The following EPHA6 variants were observed in gnomAD, a reference collection of about 807,000 sequenced individuals.
The protein encoded by EPHA6 is ephrin type-A receptor 6.
In EPHA6, 50 loss-of-function variants were observed where a neutral mutation model predicts 112.0. That is an observed-to-expected ratio of 0.45 (90% CI 0.36 to 0.56). The LOEUF is 0.56. Among genes scored for constraint, EPHA6 ranks in the 20% least tolerant of loss-of-function variants. The pLI is 0.00. For synonymous variants in EPHA6, 529 were observed against 490.7 expected, an observed-to-expected ratio of 1.08 and a Z score of -1.03; for missense variants, 1,280 against 1,417.4, an observed-to-expected ratio of 0.90 and a Z score of 1.56.
In EPHA6 at chr3:97,611,695, A is replaced by C. The variant is rs567141513; in HGVS notation, c.2574+841A>C. Among the ~76,000 whole-genome samples, 8 of 151,970 alleles carry C rather than the reference A, an allele frequency of 5.3e-5. No individual in the cohort carries two copies. The East Asian group carries it at 7.7e-4, about 15-fold the overall frequency. Reference sequence around the variant, plus strand: ...TCTGTCTATCTGTCTATCTATCTATATATATATAACTATTTTTCTCACTTA... The same window carrying C: ...TCTGTCTATCTGTCTATCTATCTATCTATATATAACTATTTTTCTCACTTA... On this transcript the variant is annotated intron_variant, in intron 13 of 17. Transcript: ENST00000389672.
chr3:96,827,597 G>A (rs192379071), intron 1 of EPHA6, among the ~76,000 whole-genome samples: 31 of 152,048 alleles, frequency 2.0e-4, no homozygotes, highest in Non-Finnish European at 3.7e-4. Context: ...TCATATACTC[G>A]GATCAATTAA....
chr3:97,480,662 CTCTT>C (rs1348180573), intron 9 of EPHA6, among the ~76,000 whole-genome samples: 2 of 152,236 alleles, frequency 1.3e-5, no homozygotes, highest in Non-Finnish European at 2.9e-5. Context: ...AATCTGATCT[CTCTT>C]TCTTTTCCCC....
chr3:97,526,723 A>C (rs2092626057), intron 10 of EPHA6, among the ~76,000 whole-genome samples: 2 of 152,140 alleles, frequency 1.3e-5, no homozygotes, highest in Non-Finnish European at 2.9e-5. Context: ...GGAAGTTGTC[A>C]AGCCCATTAG....
intron 1 of EPHA6, among the ~76,000 whole-genome samples, chr3:96,851,066 A>G (rs1011242637): frequency 2.6e-5 from 4 of 152,116 alleles, no homozygotes; most frequent in Non-Finnish European, 5.9e-5. Context: ...TACCAGCATG[A>G]GTGCTAATTA....
intron 3 of EPHA6, among the ~76,000 whole-genome samples, chr3:97,122,131 T>C (rs1336731977): frequency 6.6e-6 from 1 of 152,100 alleles, no homozygotes; most frequent in East Asian, 1.9e-4. Context: ...TTAGATTTTG[T>C]TTAAAATCTA....
chr3:97,741,836 A>C (rs1461634345), intron 16 of EPHA6, among the ~76,000 whole-genome samples: 1 of 152,072 alleles, frequency 6.6e-6, no homozygotes, highest in Non-Finnish European at 1.5e-5. Context: ...AGTCTATTAA[A>C]ATTCAAAAAA....
rs2036125238 is a variant in EPHA6 at position 97,760,251 on chromosome 3, C to T, written c.*11550C>T. 1 of 176,906 alleles carries T rather than the reference C, an allele frequency of 5.7e-6. No individual in the cohort carries two copies. Among genetic ancestry groups the T allele is most frequent in the Admixed American group, 6.4e-5 (1 of 15,626 alleles). 11.0% of individuals were successfully genotyped at this position (176,906 alleles called of 1,614,324 possible). ...CTGTCATTTACGGAAAACACATGGG[C>T]AATATGGTTGGTTGTTCATTGTGCC... On this transcript the variant is annotated 3_prime_UTR_variant, in exon 18 of 18. Coordinates refer to ENST00000389672, the MANE Select transcript of EPHA6 (RefSeq NM_001080448.3).
chr3:97,622,550 G>A (rs938500988), intron 13 of EPHA6, among the ~76,000 whole-genome samples: 1 of 151,760 alleles, frequency 6.6e-6, no homozygotes, highest in Non-Finnish European at 1.5e-5. Context: ...GAATGCTACT[G>A]TGAGAATAGA....
At chr3:97,499,401 TTTCTTACCTATAATCAAGATAC>T (rs2092062702) in intron 10 of EPHA6, among the ~76,000 whole-genome samples, 3 of 152,170 alleles carry the variant, frequency 2.0e-5, no homozygotes, top group African/African-American at 7.2e-5. Flanking sequence ...ACTTTGGTAG[TTTCTTACCTATAATCAAGATAC>T]AAAACATACA....
At chr3:97,080,189 A>G (rs909909207) in intron 3 of EPHA6, among the ~76,000 whole-genome samples, 1 of 152,134 alleles carries the variant, frequency 6.6e-6, no homozygotes, top group Non-Finnish European at 1.5e-5. Flanking sequence ...TTAGCACTGC[A>G]CTTACCGAAA....
At chr3:96,954,565 G>C (rs1182879557) in intron 2 of EPHA6, among the ~76,000 whole-genome samples, 1 of 152,198 alleles carries the variant, frequency 6.6e-6, no homozygotes, top group East Asian at 1.9e-4. Context: ...TCACTACACA[G>C]GGAGAAGTGC....
At chr3:97,092,852 A>G (rs1324256029) in intron 3 of EPHA6, among the ~76,000 whole-genome samples, 3 of 92,038 alleles carry the variant, frequency 3.3e-5, no homozygotes, top group African/African-American at 9.7e-5. Context: ...CACAATTGCA[A>G]AAAAAAAAGA....
chr3:97,509,437 G>C (rs2092323933), intron 10 of EPHA6, among the ~76,000 whole-genome samples: 1 of 151,990 alleles, frequency 6.6e-6, no homozygotes. Flanking sequence ...TTTCTCCTTT[G>C]CTTGTGAAGC....
At chr3:97,214,737 CTTA>C (rs1337256003) in intron 3 of EPHA6, among the ~76,000 whole-genome samples, 1 of 151,930 alleles carries the variant, frequency 6.6e-6, no homozygotes, top group Non-Finnish European at 1.5e-5. Flanking sequence ...AATATACAAG[CTTA>C]TTATTTATAG....
chr3:97,032,181 G>A (rs1159677719), intron 3 of EPHA6, among the ~76,000 whole-genome samples: 3 of 152,094 alleles, frequency 2.0e-5, no homozygotes, highest in Non-Finnish European at 4.4e-5. Flanking sequence ...ATCATTCTCA[G>A]AAAACTATCG....
At chr3:97,102,556 G>C (rs1046364916) in intron 3 of EPHA6, among the ~76,000 whole-genome samples, 9 of 152,072 alleles carry the variant, frequency 5.9e-5, no homozygotes, top group Admixed American at 5.9e-4. Context: ...CTGTGCTTTT[G>C]CTATTGTGAA....
intron 5 of EPHA6, among the ~76,000 whole-genome samples, chr3:97,257,602 A>G (rs1229007988): frequency 2.0e-5 from 3 of 152,056 alleles, no homozygotes; most frequent in Non-Finnish European, 4.4e-5. Flanking sequence ...AGGAGTAACT[A>G]TAAAATTACA....
chr3:97,420,565 C>T (rs2088535925), intron 6 of EPHA6, among the ~76,000 whole-genome samples: 1 of 151,952 alleles, frequency 6.6e-6, no homozygotes, highest in Non-Finnish European at 1.5e-5. Flanking sequence ...AAAACTGTTC[C>T]CAACACTAAG....
intron 13 of EPHA6, among the ~76,000 whole-genome samples, chr3:97,635,617 A>G (rs1481098216): frequency 1.3e-5 from 2 of 152,106 alleles, no homozygotes; most frequent in Admixed American, 6.6e-5. Flanking sequence ...GCTAGAAAGT[A>G]GACTACTGGT....
Sources: allele counts gnomAD v4.1 joint callset (sites outside exome capture counted in the v4.1 genomes callset), GRCh38; gene constraint gnomAD v4.1.1; transcripts MANE v1.5; gene names NCBI Gene and HGNC (gene_info 2026-07-23, HGNC 2026-07-21).